FAM13A: variants seen among roughly 807,000 people sequenced by gnomAD.
FAM13A encodes the protein family with sequence similarity 13 member A.
A neutral mutation model predicts 129.6 loss-of-function variants in FAM13A; 76 were observed. The ratio of observed to expected loss-of-function variants is 0.59; its 90% CI spans 0.49 to 0.71. FAM13A has a LOEUF of 0.71. FAM13A is among the 30% of genes least tolerant of loss of function. The probability of loss-of-function intolerance (pLI) is 0.00; values close to 1 mark genes in which losing one functional copy is unlikely to be tolerated. For synonymous variants in FAM13A, 443 were observed against 449.9 expected (o/e 0.98, Z 0.20); for missense variants, 1,108 against 1,249.3 (o/e 0.89, Z 1.70).
At chr4:89,001,746 A>G (rs1028411973) in intron 3 of FAM13A, among the ~76,000 whole-genome samples, 1 of 152,204 alleles carries the variant, frequency 6.6e-6, no homozygotes, top group Non-Finnish European at 1.5e-5. Context: ...GATAGTGTAG[A>G]TAAAAGACAG....
chr4:89,028,421 G>C (rs1020889329), intron 2 of FAM13A, among the ~76,000 whole-genome samples: 10 of 151,838 alleles, frequency 6.6e-5, no homozygotes, highest in Admixed American at 2.6e-4. Flanking sequence ...CATGGCTCAT[G>C]CCTATAATCC....
intron 5 of FAM13A, among the ~76,000 whole-genome samples, chr4:88,926,822 A>G (rs1460120856): frequency 1.3e-5 from 2 of 152,308 alleles, no homozygotes; most frequent in Admixed American, 6.5e-5. Flanking sequence ...TCTACTACCA[A>G]AAGTTGCCCA....
intron 1 of FAM13A, among the ~76,000 whole-genome samples, chr4:89,053,710 G>T (rs1414755026): frequency 6.6e-6 from 1 of 152,040 alleles, no homozygotes; most frequent in Non-Finnish European, 1.5e-5. Flanking sequence ...ATTACCAAGA[G>T]AACCAATTCA....
At chr4:88,888,805 G>A (rs893226246) in intron 6 of FAM13A, among the ~76,000 whole-genome samples, 5 of 151,696 alleles carry the variant, frequency 3.3e-5, no homozygotes, top group South Asian at 2.1e-4. Context: ...GTGTGTTGGC[G>A]GGTACCTGCA....
chr4:88,830,754 A>G (rs1171042053), intron 7 of FAM13A, among the ~76,000 whole-genome samples: 1 of 152,162 alleles, frequency 6.6e-6, no homozygotes, highest in Non-Finnish European at 1.5e-5. Flanking sequence ...CTGTCAGTGA[A>G]GAGGGGAGGG....
intron 3 of FAM13A, among the ~76,000 whole-genome samples, chr4:89,008,015 T>G (rs1765272239): frequency 6.6e-6 from 1 of 152,076 alleles, no homozygotes; most frequent in African/African-American, 2.4e-5. Flanking sequence ...AGCATTTCAT[T>G]TATTTTAAAC....
chr4:88,745,006 G>A (rs947433167), intron 19 of FAM13A, among the ~76,000 whole-genome samples: 36 of 152,086 alleles, frequency 2.4e-4, no homozygotes, highest in African/African-American at 8.5e-4. Context: ...ACATTCTTTC[G>A]CCTGATTTAA....
chr4:88,955,362 T>C (rs1357924804), intron 4 of FAM13A, among the ~76,000 whole-genome samples: 1 of 152,158 alleles, frequency 6.6e-6, no homozygotes, highest in Non-Finnish European at 1.5e-5. Context: ...TGATTGTAAG[T>C]TTCCTGAGGC....
chr4:88,989,442 A>C (rs11935610), intron 4 of FAM13A, among the ~76,000 whole-genome samples: 102,895 of 151,810 alleles, frequency 0.68, 34,925 homozygotes, highest in Middle Eastern at 0.8. Context: ...TCTCTACAAA[A>C]AATACAAAAA....
intron 7 of FAM13A, among the ~76,000 whole-genome samples, chr4:88,820,177 TG>T (rs1312702195): frequency 6.6e-6 from 1 of 152,230 alleles, no homozygotes; most frequent in African/African-American, 2.4e-5. Context: ...TTATGAAAAC[TG>T]TAAGTTAAGT....
intron 21 of FAM13A, among the ~76,000 whole-genome samples, chr4:88,735,302 A>G (rs2149406781): frequency 6.6e-6 from 1 of 152,240 alleles, no homozygotes; most frequent in East Asian, 1.9e-4. Context: ...AAACCTATAC[A>G]TTTTAAATTA....
intron 6 of FAM13A, among the ~76,000 whole-genome samples, chr4:88,885,049 T>C (rs916321232): frequency 5.9e-5 from 9 of 152,042 alleles, no homozygotes; most frequent in African/African-American, 2.2e-4. Flanking sequence ...ATAGGTAGAA[T>C]CAATATTGTG....
rs58865037 is a variant in FAM13A, at chr4:88,799,480, CTT to C, written c.1049+5529_1049+5530del. On this transcript the variant is annotated intron_variant, in intron 8 of 23. Transcript: ENST00000264344. ...ACTACCATATGCTCCAACAATTCCA[CTT>C]TTTTTTTTTTTTTTTAATTATTAGA... 3.5e-4 allele frequency among the ~76,000 whole-genome samples: 52 copies of C among 147,502 alleles called. 1 individual carries two copies. Among genetic ancestry groups the C allele is most frequent in the African/African-American group, 1.2e-3 (47 of 40,384 alleles).
chr4:88,991,993 C>T (rs1762974761), intron 3 of FAM13A, among the ~76,000 whole-genome samples: 1 of 152,172 alleles, frequency 6.6e-6, no homozygotes, highest in East Asian at 1.9e-4. Context: ...CTTAGCCTGC[C>T]TTCAGCAAGA....
At chr4:88,815,198 G>A (rs1313180081) in intron 7 of FAM13A, among the ~76,000 whole-genome samples, 1 of 151,926 alleles carries the variant, frequency 6.6e-6, no homozygotes, top group African/African-American at 2.4e-5. Context: ...CCTGAGCTTG[G>A]TCTTTAAAGG....
chr4:88,827,694 T>C (rs12503102), intron 7 of FAM13A, among the ~76,000 whole-genome samples: 1 of 152,190 alleles, frequency 6.6e-6, no homozygotes, highest in Admixed American at 6.5e-5. Context: ...ATCTATTGAT[T>C]GACCTGTCAT....
At chr4:88,929,891 C>T (rs1209823769) in intron 5 of FAM13A, among the ~76,000 whole-genome samples, 1 of 152,138 alleles carries the variant, frequency 6.6e-6, no homozygotes, top group Non-Finnish European at 1.5e-5. Flanking sequence ...GTGTGTACCA[C>T]CATGCCCAGC....
chr4:88,892,152 C>T (rs1353867125), intron 6 of FAM13A, among the ~76,000 whole-genome samples: 1 of 147,060 alleles, frequency 6.8e-6, no homozygotes, highest in Non-Finnish European at 1.5e-5. Context: ...CCAGCCTGGG[C>T]CAGACAGAGC....
intron 3 of FAM13A, among the ~76,000 whole-genome samples, chr4:89,014,953 G>C (rs1021320163): frequency 2.0e-5 from 3 of 152,206 alleles, no homozygotes; most frequent in African/African-American, 7.2e-5. Flanking sequence ...TCTTTCGAAA[G>C]CAATAGGAGA....
Sources: allele counts gnomAD v4.1 joint callset (sites outside exome capture counted in the v4.1 genomes callset), GRCh38; gene constraint gnomAD v4.1.1; transcripts MANE v1.5; gene names NCBI Gene and HGNC (gene_info 2026-07-23, HGNC 2026-07-21).